DSCAM: variants seen among roughly 807,000 people sequenced by gnomAD.
DSCAM encodes the protein DS cell adhesion molecule.
In DSCAM, 47 loss-of-function variants were observed where a neutral mutation model predicts 217.7. The ratio of observed to expected loss-of-function variants is 0.22; its 90% confidence interval spans 0.17 to 0.28. The LOEUF (loss-of-function observed/expected upper bound fraction) is 0.28. Among genes scored for constraint, DSCAM ranks in the 10% least tolerant of loss-of-function variants. The probability of loss-of-function intolerance (pLI) is 1.00; values close to 1 mark genes in which losing one functional copy is unlikely to be tolerated. For missense variants in DSCAM, 2,080 were observed against 2,618.3 expected (o/e 0.79, Z 4.49); for synonymous variants, 1,056 against 1,015.3 (o/e 1.04, Z -0.76).
At chr21:40,052,824 G>C (rs2088954480) in intron 29 of DSCAM, among the ~76,000 whole-genome samples, 1 of 152,192 alleles carries the variant, frequency 6.6e-6, no homozygotes, top group South Asian at 2.1e-4. Context: ...CAGGAGCCTG[G>C]GTTTGGATGG....
chr21:40,377,426 G>C (rs1159076519), intron 3 of DSCAM, among the ~76,000 whole-genome samples: 1 of 152,078 alleles, frequency 6.6e-6, no homozygotes, highest in African/African-American at 2.4e-5. Flanking sequence ...AGCACAGAAA[G>C]AAATTTAACC....
intron 3 of DSCAM, among the ~76,000 whole-genome samples, chr21:40,639,229 T>C (rs1443923789): frequency 1.3e-5 from 2 of 152,158 alleles, no homozygotes; most frequent in African/African-American, 4.8e-5. Context: ...ACCGCTACTG[T>C]CTTCGCAGCT....
intron 1 of DSCAM, among the ~76,000 whole-genome samples, chr21:40,709,464 A>G (rs1268809105): frequency 6.6e-6 from 1 of 152,066 alleles, no homozygotes; most frequent in Non-Finnish European, 1.5e-5. Context: ...TACATTAGGT[A>G]TTTCTCCTAA....
intron 3 of DSCAM, among the ~76,000 whole-genome samples, chr21:40,500,864 G>C (rs1257229934): frequency 6.6e-6 from 1 of 152,162 alleles, no homozygotes; most frequent in Non-Finnish European, 1.5e-5. Flanking sequence ...CCCATGACCT[G>C]GGAGCCCATT....
chr21:40,019,254 G>A (rs1264976027), intron 32 of DSCAM, among the ~76,000 whole-genome samples: 1 of 152,310 alleles, frequency 6.6e-6, no homozygotes, highest in South Asian at 2.1e-4. Context: ...TGGTGACCAT[G>A]GGGACATTGG....
intron 20 of DSCAM, among the ~76,000 whole-genome samples, chr21:40,121,493 C>T (rs969816531): frequency 6.6e-5 from 10 of 151,982 alleles, no homozygotes; most frequent in Non-Finnish European, 8.8e-5. Flanking sequence ...TTAAGATGCT[C>T]TGGGGTTCTG....
At chr21:40,654,076 C>T (rs990006884) in intron 3 of DSCAM, among the ~76,000 whole-genome samples, 3 of 148,272 alleles carry the variant, frequency 2.0e-5, no homozygotes, top group African/African-American at 7.6e-5. Flanking sequence ...GCCTGGGTGA[C>T]AGATTGAGAT....
intron 1 of DSCAM, among the ~76,000 whole-genome samples, chr21:40,832,472 A>T (rs780778356): frequency 6.6e-6 from 1 of 152,138 alleles, no homozygotes; most frequent in Non-Finnish European, 1.5e-5. Context: ...ACAATATTCG[A>T]AGGGGTATGT....
intron 3 of DSCAM, among the ~76,000 whole-genome samples, chr21:40,617,647 C>G (rs1342813181): frequency 6.6e-6 from 1 of 152,224 alleles, no homozygotes; most frequent in Non-Finnish European, 1.5e-5. Flanking sequence ...TATGCGTAAG[C>G]AGCACCCCTG....
chr21:40,380,484 C>T (rs1328320164), intron 3 of DSCAM, among the ~76,000 whole-genome samples: 8 of 152,080 alleles, frequency 5.3e-5, no homozygotes, highest in African/African-American at 1.9e-4. Flanking sequence ...AAAAAGAGTA[C>T]ATTGACAAAG....
At chr21:40,530,948 T>C (rs936965920) in intron 3 of DSCAM, among the ~76,000 whole-genome samples, 1 of 122,710 alleles carries the variant, frequency 8.1e-6, no homozygotes, top group Non-Finnish European at 1.6e-5. Context: ...CATCCATCCA[T>C]CCATCCATCC....
At chr21:40,582,054 A>T (rs1568920388) in intron 3 of DSCAM, among the ~76,000 whole-genome samples, 1 of 152,170 alleles carries the variant, frequency 6.6e-6, no homozygotes, top group Non-Finnish European at 1.5e-5. Flanking sequence ...CTTTAGATAA[A>T]TGTCATTCTG....
At chr21:40,560,029 G>A (rs766107664) in intron 3 of DSCAM, among the ~76,000 whole-genome samples, 12 of 152,196 alleles carry the variant, frequency 7.9e-5, no homozygotes, top group Non-Finnish European at 1.2e-4. Context: ...TCCTGACCTC[G>A]TGATCCGCCC....
chr21:40,458,783 A>C (rs2075783118), intron 3 of DSCAM, among the ~76,000 whole-genome samples: 2 of 152,142 alleles, frequency 1.3e-5, no homozygotes, highest in Admixed American at 1.3e-4. Flanking sequence ...CAATCAAGGA[A>C]AAAATTGCCA....
intron 3 of DSCAM, among the ~76,000 whole-genome samples, chr21:40,623,503 A>G (rs1208291615): frequency 2.6e-5 from 4 of 152,210 alleles, no homozygotes; most frequent in Non-Finnish European, 5.9e-5. Flanking sequence ...CATGCTACTG[A>G]TCTAACACTC....
At chr21:40,666,502 G>T (rs1000966410) in intron 3 of DSCAM, among the ~76,000 whole-genome samples, 1 of 152,156 alleles carries the variant, frequency 6.6e-6, no homozygotes, top group Admixed American at 6.5e-5. Flanking sequence ...GATGACCTGA[G>T]CCCACTCTGT....
chr21:40,110,299 C>G (rs531005402), intron 20 of DSCAM, among the ~76,000 whole-genome samples: 2 of 152,208 alleles, frequency 1.3e-5, no homozygotes, highest in Non-Finnish European at 2.9e-5. Context: ...GATACCCAGG[C>G]AAACAGGGTC....
chr21:40,410,346 G>A (rs1054834782), intron 3 of DSCAM, among the ~76,000 whole-genome samples: 1 of 151,884 alleles, frequency 6.6e-6, no homozygotes, highest in Non-Finnish European at 1.5e-5. Context: ...AATGAACAAA[G>A]CATCAATGAC....
At chr21:40,226,479 T>C (rs1249854752) in intron 11 of DSCAM, among the ~76,000 whole-genome samples, 1 of 152,132 alleles carries the variant, frequency 6.6e-6, no homozygotes, top group South Asian at 2.1e-4. Context: ...AGAGATTCTA[T>C]ATTAAAATGA....
Sources: gnomAD v4.1 joint callset for allele counts (sites outside exome capture counted in the v4.1 genomes callset) on GRCh38, gnomAD v4.1.1 for gene constraint, MANE v1.5 for transcripts, NCBI Gene and HGNC (gene_info 2026-07-23, HGNC 2026-07-21) for gene names.